ENPP3: variants seen among roughly 807,000 people sequenced by gnomAD.
ENPP3 encodes ectonucleotide pyrophosphatase/phosphodiesterase 3.
Under a neutral mutation model 117.8 loss-of-function variants are expected in ENPP3, and 104 were observed. The observed-to-expected ratio is 0.88, with a 90% confidence interval of 0.75 to 1.04. The LOEUF (loss-of-function observed/expected upper bound fraction) is 1.04. Ranked by LOEUF, ENPP3 falls within the 50% of genes least tolerant of loss-of-function variation. The probability of loss-of-function intolerance (pLI) is 0.00; values close to 1 mark genes in which losing one functional copy is unlikely to be tolerated. For synonymous variants in ENPP3, 380 were observed against 349.9 expected (o/e 1.09, Z -0.96); for missense variants, 1,026 against 1,051.9 (o/e 0.98, Z 0.34).
chr6:131,695,157 A>C (rs1005779885), intron 15 of ENPP3, among the ~76,000 whole-genome samples: 2 of 152,238 alleles, frequency 1.3e-5, no homozygotes, highest in East Asian at 3.9e-4. Context: ...ATTAAGCTCT[A>C]CTAATATTAA....
At position 131,637,373 on chromosome 6, in the gene ENPP3, G is replaced by T; in HGVS notation, c.-12G>T. 1 of 1,571,276 alleles carries T rather than the reference G, an allele frequency of 6.4e-7. No homozygotes were observed. Among genetic ancestry groups the T allele is most frequent in the South Asian group, 1.2e-5 (1 of 83,720 alleles). ...TATTCTGATAAAACAGGTCTATGCA[G>T]CTACCAGGACAATGGAATCTACGTT... On this transcript the variant is annotated 5_prime_UTR_variant, in exon 1 of 25. Transcript: ENST00000357639.
chr6:131,660,615 C>A (rs1293032287), intron 6 of ENPP3, among the ~76,000 whole-genome samples: 1 of 152,164 alleles, frequency 6.6e-6, no homozygotes. Flanking sequence ...AGAGATCCAG[C>A]AGGGGACATA....
intron 16 of ENPP3, among the ~76,000 whole-genome samples, chr6:131,719,838 C>G (rs566025909): frequency 7.9e-5 from 12 of 151,822 alleles, no homozygotes; most frequent in South Asian, 4.1e-4. Flanking sequence ...GTAAGTGGAA[C>G]AGGAAGTTAG....
chr6:131,683,399 G>A (rs1779072465), intron 12 of ENPP3, among the ~76,000 whole-genome samples: 1 of 152,134 alleles, frequency 6.6e-6, no homozygotes, highest in Non-Finnish European at 1.5e-5. Flanking sequence ...TGTAAAAGTA[G>A]AGTTAATGAT....
intron 5 of ENPP3, among the ~76,000 whole-genome samples, chr6:131,657,263 T>C (rs1778405829): frequency 6.6e-6 from 1 of 152,086 alleles, no homozygotes; most frequent in South Asian, 2.1e-4. Flanking sequence ...AATTTGGAAA[T>C]TCACTAAGCT....
chr6:131,699,235 C>CAAAAAAAAAAAAAAAAAAAAAA (rs4053087), intron 15 of ENPP3, among the ~76,000 whole-genome samples: 6 of 107,938 alleles, frequency 5.6e-5, no homozygotes, highest in African/African-American at 1.9e-4. Context: ...AAGACTGTCT[C>CAAAAAAAAAAAAAAAAAAAAAA]AAAAAAAAAA....
Position 131,747,011 on chromosome 6 carries a change from T to A in ENPP3, c.*55T>A. ...ACTGTATAAAGTAATTTTGGCAAAA[T>A]ATAAGTGATTTTTTTCTGGAGAATT... On this transcript the variant is annotated 3_prime_UTR_variant, in exon 25 of 25. Transcript: ENST00000357639. 3 of 944,746 alleles carry A rather than the reference T, an allele frequency of 3.2e-6. No individual in the cohort carries two copies. The highest frequency in any genetic ancestry group is 4.4e-6 in the Non-Finnish European group (3 of 677,142). The allele number at this position is 944,746 out of a possible 1,614,324, so 58.5% of individuals were successfully genotyped here.
chr6:131,693,394 CCTTA>C lies in ENPP3; in HGVS notation c.1285-99_1285-96del, dbSNP rs1042223925. ...TATTGTATTAGCCAAGCTGAAATCC[CCTTA>C]CTTTTAAAAGGTGCTTCATAAATTG... On this transcript the variant is annotated intron_variant, in intron 14 of 24. Transcript: ENST00000357639. 4.0e-6 allele frequency: 4 copies of C among 1,001,030 alleles called. No homozygotes were observed. In the African/African-American group the frequency reaches 6.6e-5, roughly 17 times the overall value. 62.0% of individuals were successfully genotyped at this position (1,001,030 alleles called of 1,614,324 possible).
intron 17 of ENPP3, among the ~76,000 whole-genome samples, chr6:131,721,658 A>C (rs1780035760): frequency 6.6e-6 from 1 of 151,286 alleles, no homozygotes; most frequent in African/African-American, 2.5e-5. Flanking sequence ...CCTAATATTA[A>C]GCAAAATTCA....
At chr6:131,664,105 T>C (rs1778565603) in intron 6 of ENPP3, among the ~76,000 whole-genome samples, 1 of 152,136 alleles carries the variant, frequency 6.6e-6, no homozygotes, top group Non-Finnish European at 1.5e-5. Flanking sequence ...TAAAACAGCC[T>C]CAGGCAGGTT....
intron 2 of ENPP3, among the ~76,000 whole-genome samples, chr6:131,646,028 C>T (rs1238986562): frequency 6.6e-6 from 1 of 152,004 alleles, no homozygotes; most frequent in Non-Finnish European, 1.5e-5. Flanking sequence ...AATTAGTAGC[C>T]TTAGTTACAT....
chr6:131,738,696 C>T (rs940370303), intron 23 of ENPP3, among the ~76,000 whole-genome samples: 2 of 152,140 alleles, frequency 1.3e-5, no homozygotes, highest in Non-Finnish European at 2.9e-5. Flanking sequence ...CTGGTCATAA[C>T]AGGTTGCTAA....
chr6:131,654,708 G>A (rs934843522), intron 5 of ENPP3, among the ~76,000 whole-genome samples: 2 of 151,978 alleles, frequency 1.3e-5, no homozygotes, highest in Admixed American at 1.3e-4. Context: ...CTCCCAAAGT[G>A]CTGGGATTAC....
chr6:131,683,552 T>G (rs1238625180), intron 12 of ENPP3, among the ~76,000 whole-genome samples: 5 of 152,266 alleles, frequency 3.3e-5, no homozygotes, highest in East Asian at 3.9e-4. Context: ...TTTTTTTTAG[T>G]TATGTAAATA....
rs1222037837 is a variant in ENPP3 at position 131,737,303 on chromosome 6, A to G, written c.2090-52A>G. On this transcript the variant is annotated intron_variant, in intron 21 of 24. Coordinates refer to ENST00000357639, the MANE Select transcript of ENPP3 (RefSeq NM_005021.5). ...AATAGTAGTATGCCTGTTGTGCAGT[A>G]TGTCATATTTTCTCTTATAGCTAGA... The G allele has an allele frequency of 3.8e-6, 4 of 1,057,864 alleles. No homozygotes were observed. In the South Asian group the frequency reaches 4.0e-5, roughly 11 times the overall value. The allele number at this position is 1,057,864 out of a possible 1,614,324, so 65.5% of individuals were successfully genotyped here. A position where few individuals can be genotyped will look rare whatever the true frequency, so the allele number is the denominator to read the frequency against.
intron 24 of ENPP3, among the ~76,000 whole-genome samples, chr6:131,744,714 C>G (rs1032160068): frequency 1.3e-5 from 2 of 151,702 alleles, no homozygotes; most frequent in Non-Finnish European, 2.9e-5. Context: ...GTGGATAGGG[C>G]AGAAAAATGC....
At chr6:131,725,788 CA>C (rs1780141741) in intron 19 of ENPP3, among the ~76,000 whole-genome samples, 2 of 151,994 alleles carry the variant, frequency 1.3e-5, no homozygotes, top group African/African-American at 4.8e-5. Flanking sequence ...CTTGCTTGGC[CA>C]ACTTACTTAT....
intron 20 of ENPP3, among the ~76,000 whole-genome samples, chr6:131,730,064 G>A (rs1780242941): frequency 6.6e-6 from 1 of 152,020 alleles, no homozygotes. Context: ...TTAAATATAA[G>A]CATCTCAATT....
intron 15 of ENPP3, 28 bp from the exon 16 acceptor site, chr6:131,718,644 A>G: frequency 8.7e-7 from 1 of 1,152,840 alleles, no homozygotes; most frequent in Admixed American, 1.8e-5. Flanking sequence ...TATATTGATC[A>G]GTGTGTAATA....
Sources: gnomAD v4.1 joint callset for allele counts (sites outside exome capture counted in the v4.1 genomes callset) on GRCh38, gnomAD v4.1.1 for gene constraint, MANE v1.5 for transcripts, NCBI Gene and HGNC (gene_info 2026-07-23, HGNC 2026-07-21) for gene names.